The following GANC variants were observed in gnomAD, a reference collection of about 807,000 sequenced individuals.
GANC encodes neutral alpha-glucosidase C.
A neutral mutation model predicts 124.2 loss-of-function variants in GANC; 117 were observed. That is an observed-to-expected ratio of 0.94 (90% confidence interval 0.81 to 1.10). The LOEUF (loss-of-function observed/expected upper bound fraction) is 1.10. Among genes scored for constraint, GANC ranks in the 50% least tolerant of loss-of-function variants. The pLI, the probability that GANC is intolerant of heterozygous loss-of-function variation, is 0.00. For synonymous variants in GANC, 377 were observed against 376.8 expected, an observed-to-expected ratio of 1.00 and a Z score of -0.01; for missense variants, 1,140 against 1,095.0, an observed-to-expected ratio of 1.04 and a Z score of -0.58.
chr15:42,343,213 T>C (rs1362586817), intron 19 of GANC, 59 bp downstream of exon 19: 1 of 1,446,212 alleles, frequency 6.9e-7, no homozygotes, highest in Non-Finnish European at 9.7e-7. Context: ...CCTTCTTTTC[T>C]TTTAGGAAAG....
rs5812217 is a variant in GANC at position 42,275,581 on chromosome 15, A to ATT, written c.30-759_30-758dup. ...ACACTAGTGCATGAAAGCCGGTGTA[A>ATT]TTTTTTTTTCTCCTTATAATCTGTA... On this transcript the variant is annotated intron_variant, in intron 1 of 23. Coordinates refer to ENST00000318010, the MANE Select transcript of GANC (RefSeq NM_198141.3). Among the ~76,000 whole-genome samples, 654 of 151,298 alleles carry ATT rather than the reference A, an allele frequency of 4.3e-3. 3 individuals carry two copies. The highest frequency in any genetic ancestry group is 0.015 in the African/African-American group (621 of 41,256).
At chr15:42,281,117 A>G (rs982892344) in intron 3 of GANC, 1 of 702,458 alleles carries the variant, frequency 1.4e-6, no homozygotes, top group African/African-American at 1.7e-5. Flanking sequence ...ACCTCTTGGA[A>G]CAAACTCCAT....
chr15:42,278,344 A>G, intron 2 of GANC, 138 bp from the exon 3 acceptor site: 1 of 529,006 alleles, frequency 1.9e-6, no homozygotes. Flanking sequence ...GCACTTTATT[A>G]TAGTACTAAT....
Position 42,274,404 on chromosome 15 carries a change from A to G in GANC, c.-78A>G, listed in dbSNP as rs2051631259. 1 of 1,470,536 alleles carries G rather than the reference A, an allele frequency of 6.8e-7. No homozygotes were observed. Among genetic ancestry groups the G allele is most frequent in the Non-Finnish European group, 9.3e-7 (1 of 1,070,540 alleles). 91.1% of individuals were successfully genotyped at this position (1,470,536 alleles called of 1,614,324 possible). A position where few individuals can be genotyped will look rare whatever the true frequency, so the allele number is the denominator to read the frequency against. ...GTACTGGTTGTAATTTTAGAAAGAC[A>G]CCCAATCGGCTTTTTTAAAAGATCG... On this transcript the variant is annotated 5_prime_UTR_variant, in exon 1 of 24. Coordinates refer to ENST00000318010, the MANE Select transcript of GANC (RefSeq NM_198141.3).
At chr15:42,278,171 G>A (rs753208765) in intron 2 of GANC, 12 of 214,270 alleles carry the variant, frequency 5.6e-5, no homozygotes, top group Non-Finnish European at 1.1e-4. Context: ...TATGGAAAGA[G>A]GGAGGGAAAT....
At chr15:42,277,832 C>T (rs1171601871) in intron 2 of GANC, among the ~76,000 whole-genome samples, 1 of 147,952 alleles carries the variant, frequency 6.8e-6, no homozygotes, top group Non-Finnish European at 1.5e-5. Flanking sequence ...GAATTCCTGA[C>T]CTCAGATGAT....
rs1483830569 is a variant in GANC, at chr15:42,297,532, A to G, written c.513-79A>G. The G allele has an allele frequency of 1.4e-5, 14 of 991,290 alleles. No individual in the cohort carries two copies. In the Admixed American group the frequency reaches 2.9e-4, roughly 20 times the overall value. 61.4% of individuals were successfully genotyped at this position (991,290 alleles called of 1,614,324 possible). A position where few individuals can be genotyped will look rare whatever the true frequency, so the allele number is the denominator to read the frequency against. On this transcript the variant is annotated intron_variant, in intron 5 of 23. Transcript: ENST00000318010. ...ATATAACTGAGGTCTCAAAAGTTGG[A>G]AATGAAAAATCTTTATCATTGAACA...
At chr15:42,294,361 G>T (rs1303315614) in intron 5 of GANC, among the ~76,000 whole-genome samples, 1 of 150,916 alleles carries the variant, frequency 6.6e-6, no homozygotes, top group Non-Finnish European at 1.5e-5. Context: ...ATCACCTGAG[G>T]TCAGGAGTTC....
chr15:42,345,690 G>A (rs2052357685), intron 19 of GANC, 68 bp from the exon 20 acceptor site: 1 of 847,316 alleles, frequency 1.2e-6, no homozygotes, highest in Non-Finnish European at 1.9e-6. Context: ...TGGATATTTT[G>A]CTGACTAATG....
At chr15:42,307,501 G>A (rs574016016) in intron 7 of GANC, among the ~76,000 whole-genome samples, 1 of 152,010 alleles carries the variant, frequency 6.6e-6, no homozygotes, top group South Asian at 2.1e-4. Context: ...ACCCGGCCAT[G>A]TCATAATCTT....
At chr15:42,351,549 G>A (rs536207808) in intron 23 of GANC, 117 bp downstream of exon 23, 9 of 713,226 alleles carry the variant, frequency 1.3e-5, no homozygotes, top group African/African-American at 7.0e-5. Context: ...GTGCTTTCAG[G>A]TAGAGGTGAA....
At chr15:42,296,871 A>T (rs1380850703) in intron 5 of GANC, among the ~76,000 whole-genome samples, 2 of 143,676 alleles carry the variant, frequency 1.4e-5, no homozygotes, top group Non-Finnish European at 3.0e-5. Flanking sequence ...TTTTTGGAAG[A>T]TATGGTCTCA....
chr15:42,325,396 A>T (rs2052191033), intron 11 of GANC, among the ~76,000 whole-genome samples: 1 of 152,212 alleles, frequency 6.6e-6, no homozygotes, highest in Admixed American at 6.5e-5. Context: ...GGCCAAATAA[A>T]GTGTTATTGA....
intron 10 of GANC, among the ~76,000 whole-genome samples, chr15:42,312,356 G>A (rs4924662): frequency 0.91 from 138,526 of 152,290 alleles, 64,365 homozygotes; most frequent in Non-Finnish European, 1. Flanking sequence ...GATCTTTCTC[G>A]TACTGTTCTC....
chr15:42,290,016 A>G (rs552874493), intron 4 of GANC, among the ~76,000 whole-genome samples: 1 of 152,296 alleles, frequency 6.6e-6, no homozygotes, highest in African/African-American at 2.4e-5. Context: ...TGACACCTTG[A>G]TCTTTGACTT....
At chr15:42,290,214 G>A (rs561283260) in intron 4 of GANC, among the ~76,000 whole-genome samples, 6 of 152,202 alleles carry the variant, frequency 3.9e-5, no homozygotes, top group South Asian at 2.1e-4. Context: ...AGACCAAGAG[G>A]TAGGGCCATA....
intron 17 of GANC, among the ~76,000 whole-genome samples, chr15:42,340,373 A>G (rs2052320041): frequency 6.6e-6 from 1 of 152,084 alleles, no homozygotes; most frequent in Admixed American, 6.6e-5. Context: ...TAATCCCAGC[A>G]CTTTGGGAGG....
intron 2 of GANC, chr15:42,278,133 ATTAT>A (rs2051694534): frequency 7.5e-6 from 2 of 266,444 alleles, no homozygotes; most frequent in Admixed American, 4.6e-5. Context: ...TCCACTAGAA[ATTAT>A]TTAGTTACTA....
intron 5 of GANC, among the ~76,000 whole-genome samples, chr15:42,294,972 GTT>G (rs59095643): frequency 2.3e-5 from 3 of 131,166 alleles, no homozygotes; most frequent in African/African-American, 5.9e-5. Context: ...TGCATTTGTA[GTT>G]TTTTTTTTTT....
Sources: allele counts gnomAD v4.1 joint callset (sites outside exome capture counted in the v4.1 genomes callset), GRCh38; gene constraint gnomAD v4.1.1; transcripts MANE v1.5; gene names NCBI Gene and HGNC (gene_info 2026-07-23, HGNC 2026-07-21).